The following PHACTR3 variants were observed in gnomAD, a reference collection of about 807,000 sequenced individuals.
PHACTR3 encodes phosphatase and actin regulator 3.
PHACTR3 carries 16 observed loss-of-function variants against 66.8 expected under a neutral mutation model. That is an observed-to-expected ratio of 0.24 (90% CI 0.16 to 0.36). The LOEUF (loss-of-function observed/expected upper bound fraction) is 0.36. Ranked by LOEUF, PHACTR3 falls within the 10% of genes least tolerant of loss-of-function variation. The pLI is 1.00. For missense variants in PHACTR3, 647 were observed against 719.9 expected, an observed-to-expected ratio of 0.90 and a Z score of 1.16; for synonymous variants, 323 against 292.1, an observed-to-expected ratio of 1.11 and a Z score of -1.08.
intron 7 of PHACTR3, among the ~76,000 whole-genome samples, chr20:59,777,214 G>A (rs1299428966): frequency 6.6e-6 from 1 of 152,182 alleles, no homozygotes; most frequent in Non-Finnish European, 1.5e-5. Flanking sequence ...ATTGCAGGCA[G>A]GGCCCATCTG....
At chr20:59,741,042 G>C (rs1388027025) in intron 1 of PHACTR3, among the ~76,000 whole-genome samples, 2 of 152,226 alleles carry the variant, frequency 1.3e-5, no homozygotes, top group African/African-American at 4.8e-5. Flanking sequence ...TTGGACACTG[G>C]TAATGCCCCT....
At chr20:59,772,027 G>A (rs2040378262) in intron 5 of PHACTR3, among the ~76,000 whole-genome samples, 1 of 152,248 alleles carries the variant, frequency 6.6e-6, no homozygotes, top group African/African-American at 2.4e-5. Context: ...TGTGCCAGCT[G>A]CTAGGCTCCT....
intron 1 of PHACTR3, among the ~76,000 whole-genome samples, chr20:59,598,402 C>G (rs73623726): frequency 1.3e-5 from 2 of 152,174 alleles, no homozygotes; most frequent in African/African-American, 4.8e-5. Flanking sequence ...GGAGGCTCAG[C>G]GGGGCCACAC....
At chr20:59,641,726 G>A (rs1336283846) in intron 1 of PHACTR3, among the ~76,000 whole-genome samples, 1 of 152,206 alleles carries the variant, frequency 6.6e-6, no homozygotes, top group East Asian at 1.9e-4. Flanking sequence ...CATATCTATA[G>A]ATTGTGTGTG....
At chr20:59,842,273 GA>G (rs2059077978) in intron 11 of PHACTR3, among the ~76,000 whole-genome samples, 1 of 152,196 alleles carries the variant, frequency 6.6e-6, no homozygotes, top group South Asian at 2.1e-4. Context: ...TTAATTTTCA[GA>G]AGACTTAAAG....
chr20:59,728,555 A>G (rs2038646321), intron 1 of PHACTR3, among the ~76,000 whole-genome samples: 1 of 151,728 alleles, frequency 6.6e-6, no homozygotes, highest in Non-Finnish European at 1.5e-5. Context: ...CATACAATGG[A>G]CTATTACCTT....
At chr20:59,625,926 A>T (rs1684475502) in intron 1 of PHACTR3, among the ~76,000 whole-genome samples, 1 of 151,974 alleles carries the variant, frequency 6.6e-6, no homozygotes, top group African/African-American at 2.4e-5. Context: ...CGAATACCTC[A>T]GGGTTTGTGG....
chr20:59,776,573 C>T (rs957647134), intron 7 of PHACTR3, among the ~76,000 whole-genome samples: 10 of 152,178 alleles, frequency 6.6e-5, no homozygotes, highest in Non-Finnish European at 1.2e-4. Context: ...AAGGGTCTCC[C>T]GGCTTGACTT....
chr20:59,673,545 T>C (rs551757921), intron 1 of PHACTR3, among the ~76,000 whole-genome samples: 3 of 152,230 alleles, frequency 2.0e-5, no homozygotes, highest in Non-Finnish European at 4.4e-5. Context: ...TGGCCAGTGC[T>C]CAGGTGGTTG....
intron 7 of PHACTR3, among the ~76,000 whole-genome samples, chr20:59,785,455 G>C (rs2040871359): frequency 1.3e-5 from 2 of 152,176 alleles, no homozygotes; most frequent in South Asian, 4.1e-4. Context: ...GTACACAGGT[G>C]AATCATAATG....
chr20:59,628,466 C>T (rs1032552961), intron 1 of PHACTR3: 2 of 197,504 alleles, frequency 1.0e-5, no homozygotes, highest in African/African-American at 4.7e-5. Context: ...ACTGCACTGT[C>T]CCCGCAGCCT....
At chr20:59,831,850 G>A (rs145282633) in intron 8 of PHACTR3, among the ~76,000 whole-genome samples, 111 of 152,312 alleles carry the variant, frequency 7.3e-4, no homozygotes, top group African/African-American at 2.2e-3. Context: ...CCTTGCCTGC[G>A]CCGGCTCTGG....
chr20:59,805,335 A>G (rs1357723016), intron 7 of PHACTR3, among the ~76,000 whole-genome samples: 1 of 152,208 alleles, frequency 6.6e-6, no homozygotes, highest in East Asian at 1.9e-4. Context: ...GTATTCACCA[A>G]TGATCTGCCA....
At chr20:59,710,909 T>C (rs1175139333) in intron 1 of PHACTR3, among the ~76,000 whole-genome samples, 1 of 122,922 alleles carries the variant, frequency 8.1e-6, no homozygotes, top group African/African-American at 2.6e-5. Flanking sequence ...AAAAATAAAG[T>C]CTTTTTTCTT....
intron 1 of PHACTR3, among the ~76,000 whole-genome samples, chr20:59,581,384 G>A (rs1016384313): frequency 6.6e-6 from 1 of 152,168 alleles, no homozygotes; most frequent in Non-Finnish European, 1.5e-5. Context: ...TGAGAGCCAA[G>A]CACCTCCCCA....
chr20:59,817,289 T>C (rs1170855416), intron 8 of PHACTR3, among the ~76,000 whole-genome samples: 2 of 152,156 alleles, frequency 1.3e-5, no homozygotes, highest in East Asian at 3.9e-4. Context: ...CAGGCCAGGG[T>C]CTGCATACGC....
chr20:59,836,176 C>T (rs530406467), intron 8 of PHACTR3: 1 of 230,906 alleles, frequency 4.3e-6, no homozygotes, highest in Non-Finnish European at 8.3e-6. Context: ...GAACAGATCT[C>T]CTCGCTGCTT....
intron 5 of PHACTR3, among the ~76,000 whole-genome samples, chr20:59,770,088 G>A (rs2040312297): frequency 6.6e-6 from 1 of 152,278 alleles, no homozygotes; most frequent in East Asian, 1.9e-4. Flanking sequence ...TGGGAAGGTC[G>A]AGCCTCAGAT....
At chr20:59,680,756 C>G (rs941203387) in intron 1 of PHACTR3, among the ~76,000 whole-genome samples, 2 of 152,110 alleles carry the variant, frequency 1.3e-5, no homozygotes, top group Non-Finnish European at 1.5e-5. Context: ...CCCAAGGAAG[C>G]CAAAAGATTG....
Sources: allele counts gnomAD v4.1 joint callset (sites outside exome capture counted in the v4.1 genomes callset), GRCh38; gene constraint gnomAD v4.1.1; transcripts MANE v1.5; gene names NCBI Gene and HGNC (gene_info 2026-07-23, HGNC 2026-07-21).